The following GRID2 variants were observed in gnomAD, a reference collection of about 807,000 sequenced individuals.
GRID2 encodes the protein glutamate ionotropic receptor delta type subunit 2.
A neutral mutation model predicts 114.8 loss-of-function variants in GRID2; 33 were observed. That is an observed-to-expected ratio of 0.29 (90% confidence interval 0.22 to 0.38). The LOEUF (loss-of-function observed/expected upper bound fraction) is 0.38. Ranked by LOEUF, GRID2 falls within the 10% of genes least tolerant of loss-of-function variation. The pLI, the probability that GRID2 is intolerant of heterozygous loss-of-function variation, is 1.00. For missense variants in GRID2, 1,184 were observed against 1,257.7 expected (o/e 0.94, Z 0.89); for synonymous variants, 505 against 449.9 (o/e 1.12, Z -1.55).
intron 8 of GRID2, among the ~76,000 whole-genome samples, chr4:93,256,337 T>C (rs574609185): frequency 6.6e-6 from 1 of 152,212 alleles, no homozygotes; most frequent in Non-Finnish European, 1.5e-5. Context: ...GAGTGAATTG[T>C]AATTTTGGAC....
At chr4:92,963,259 C>G (rs1752938223) in intron 2 of GRID2, among the ~76,000 whole-genome samples, 1 of 151,934 alleles carries the variant, frequency 6.6e-6, no homozygotes, top group East Asian at 1.9e-4. Context: ...TCAATTGCCT[C>G]TTTGTTTCAC....
chr4:92,377,626 C>G (rs951058728), intron 1 of GRID2, among the ~76,000 whole-genome samples: 1 of 151,980 alleles, frequency 6.6e-6, no homozygotes, highest in East Asian at 1.9e-4. Flanking sequence ...AAAGACATAC[C>G]TGAGAATGTG....
intron 1 of GRID2, among the ~76,000 whole-genome samples, chr4:92,463,686 C>T (rs529901649): frequency 2.1e-4 from 32 of 152,038 alleles, no homozygotes; most frequent in East Asian, 1.5e-3. Flanking sequence ...TATCTTCTTA[C>T]GGTGTTTTCT....
intron 1 of GRID2, among the ~76,000 whole-genome samples, chr4:92,472,308 T>A (rs910437037): frequency 1.1e-4 from 16 of 152,162 alleles, no homozygotes; most frequent in Non-Finnish European, 2.1e-4. Context: ...ATGGCTATAC[T>A]ATGATTTGTT....
chr4:93,606,044 A>C (rs1403267440), intron 13 of GRID2, among the ~76,000 whole-genome samples: 1 of 152,124 alleles, frequency 6.6e-6, no homozygotes, highest in Non-Finnish European at 1.5e-5. Flanking sequence ...AGGTAGCTAG[A>C]TCACTTTGGG....
At chr4:93,386,344 C>T (rs1764308774) in intron 8 of GRID2, among the ~76,000 whole-genome samples, 2 of 152,082 alleles carry the variant, frequency 1.3e-5, no homozygotes, top group Non-Finnish European at 2.9e-5. Flanking sequence ...ATAATTCTGA[C>T]AGGATTATAG....
intron 14 of GRID2, among the ~76,000 whole-genome samples, chr4:93,692,742 G>A (rs1239859555): frequency 3.9e-5 from 6 of 152,090 alleles, no homozygotes; most frequent in Admixed American, 6.6e-5. Context: ...ATCTAGCACA[G>A]TAATGACGTA....
chr4:93,728,506 T>C (rs1316700925), intron 14 of GRID2, among the ~76,000 whole-genome samples: 2 of 152,192 alleles, frequency 1.3e-5, no homozygotes, highest in African/African-American at 4.8e-5. Context: ...TTAGGTCTGC[T>C]TGGTGCAGAG....
At chr4:93,169,699 G>T (rs570861228) in intron 4 of GRID2, among the ~76,000 whole-genome samples, 85 of 152,296 alleles carry the variant, frequency 5.6e-4, no homozygotes, top group African/African-American at 1.9e-3. Context: ...ATACACTAAA[G>T]CTCAATGTGC....
At chr4:93,200,582 C>A (rs1345562238) in intron 4 of GRID2, among the ~76,000 whole-genome samples, 22 of 151,118 alleles carry the variant, frequency 1.5e-4, no homozygotes, top group African/African-American at 4.9e-4. Context: ...AACAAACAAA[C>A]AAACAAACAA....
intron 2 of GRID2, among the ~76,000 whole-genome samples, chr4:92,942,165 G>A (rs985765859): frequency 6.6e-6 from 1 of 152,132 alleles, no homozygotes; most frequent in African/African-American, 2.4e-5. Flanking sequence ...TGTTGACAGT[G>A]GGGTGTTAAA....
At chr4:92,472,290 T>G (rs1241482141) in intron 1 of GRID2, among the ~76,000 whole-genome samples, 3 of 152,154 alleles carry the variant, frequency 2.0e-5, no homozygotes, top group Non-Finnish European at 4.4e-5. Context: ...TTTATACTAT[T>G]TCATTGGATG....
chr4:92,514,068 G>A (rs1471625515), intron 1 of GRID2, among the ~76,000 whole-genome samples: 1 of 151,802 alleles, frequency 6.6e-6, no homozygotes, highest in Non-Finnish European at 1.5e-5. Context: ...TTTCTCAGGG[G>A]AAGACTATAA....
rs36159842 is a variant in GRID2, at chr4:92,917,813, G to A, written c.245-167182G>A. Among the ~76,000 whole-genome samples the A allele has an allele frequency of 2.6e-5, 4 of 152,128 alleles. No homozygotes were observed. The East Asian group carries it at 7.7e-4, about 29-fold the overall frequency. ...CCTCCAGCTTTGTTCTTTTGGCTTA[G>A]GATTGACATGGCAATTCAGGCTCTT... On this transcript the variant is annotated intron_variant, in intron 2 of 15. Coordinates refer to ENST00000282020, the MANE Select transcript of GRID2 (RefSeq NM_001510.4).
At chr4:93,489,088 G>T (rs988125050) in intron 11 of GRID2, among the ~76,000 whole-genome samples, 4 of 151,842 alleles carry the variant, frequency 2.6e-5, no homozygotes, top group Non-Finnish European at 5.9e-5. Flanking sequence ...AATTATAAAG[G>T]ACGGAAATAA....
intron 8 of GRID2, among the ~76,000 whole-genome samples, chr4:93,324,938 T>C (rs996778822): frequency 6.6e-6 from 1 of 152,126 alleles, no homozygotes; most frequent in African/African-American, 2.4e-5. Context: ...TTCTTCTTTA[T>C]TAGTCTTGCT....
chr4:92,665,892 A>G (rs879363198), intron 2 of GRID2, among the ~76,000 whole-genome samples: 1 of 151,282 alleles, frequency 6.6e-6, no homozygotes, highest in Non-Finnish European at 1.5e-5. Flanking sequence ...AATGTGTCTC[A>G]GTGTGTGTAT....
At position 93,540,235 on chromosome 4, in the gene GRID2, G is replaced by A. The variant is rs567211609; in HGVS notation, c.2193+24824G>A. Among the ~76,000 whole-genome samples, 82 of 151,762 alleles carry A rather than the reference G, an allele frequency of 5.4e-4. 1 individual carries two copies. The Middle Eastern group carries it at 0.01, about 19-fold the overall frequency. Reference sequence around the variant, plus strand: ...TTAGAATTCAATATTTCCTTATTGCGATGTTTTTTAACTCTAAATATATAT... The same window carrying A: ...TTAGAATTCAATATTTCCTTATTGCAATGTTTTTTAACTCTAAATATATAT... On this transcript the variant is annotated intron_variant, in intron 13 of 15. Transcript: ENST00000282020.
Position 93,696,065 on chromosome 4 carries a change from C to A in GRID2, c.2360+69630C>A, listed in dbSNP as rs1726992378. On this transcript the variant is annotated intron_variant, in intron 14 of 15. Transcript: ENST00000282020. ...TTTCTTATATGTAAATAACCATAAT[C>A]ATTCCATATTAAAGCTTATGAAATT... Among the ~76,000 whole-genome samples the A allele has an allele frequency of 1.3e-5, 2 of 152,184 alleles. 1 individual carries two copies. The highest frequency in any genetic ancestry group is 4.1e-4 in the South Asian group (2 of 4,832).
Sources: allele counts gnomAD v4.1 joint callset (sites outside exome capture counted in the v4.1 genomes callset), GRCh38; gene constraint gnomAD v4.1.1; transcripts MANE v1.5; gene names NCBI Gene and HGNC (gene_info 2026-07-23, HGNC 2026-07-21).